Variants in PCDHA10 observed in about 807,000 individuals in gnomAD.
The protein encoded by PCDHA10 is protocadherin alpha-10.
Under a neutral mutation model 61.2 loss-of-function variants are expected in PCDHA10, and 45 were observed. The ratio of observed to expected loss-of-function variants is 0.74; its 90% CI spans 0.58 to 0.94. PCDHA10 has a LOEUF of 0.94. PCDHA10 is among the 40% of genes least tolerant of loss of function. PCDHA10 has a pLI of 0.00. For missense variants in PCDHA10, 1,278 were observed against 1,236.2 expected, an observed-to-expected ratio of 1.03 and a Z score of -0.51; for synonymous variants, 602 against 548.8, an observed-to-expected ratio of 1.10 and a Z score of -1.35.
In PCDHA10 at chr5:140,856,540, C is replaced by A. The variant is rs1554148838; in HGVS notation, c.492C>A (p.Asn164Lys). The A allele has an allele frequency of 6.3e-7, 1 of 1,598,162 alleles. No individual in the cohort carries two copies. Among genetic ancestry groups the A allele is most frequent in the African/African-American group, 1.3e-5 (1 of 74,308 alleles). The change falls in exon 1 of 4, where the codon AAC (asparagine) becomes AAA (lysine). Residue 164 changes from asparagine (N) to lysine (K), a missense_variant. Physicochemically the swap from Asn to Lys is moderately conservative, Grantham distance 94. Transcript: ENST00000307360. The stretch of plus-strand genomic sequence containing the variant: ...CATCTGATGCGGATGTTGGAGAGAA[C>A]GCATTGCTTACTTACAAACTCAGTC... ...EGASDADVGE[N>K]ALLTYKLSPN...
At chr5:140,962,710 T>C (rs2095702479) in intron 1 of PCDHA10, among the ~76,000 whole-genome samples, 1 of 152,246 alleles carries the variant, frequency 6.6e-6, no homozygotes, top group South Asian at 2.1e-4. Context: ...ATAATCATAT[T>C]GGAAAGTATT....
At chr5:140,907,287 G>C (rs1179027055) in intron 1 of PCDHA10, among the ~76,000 whole-genome samples, 1 of 152,178 alleles carries the variant, frequency 6.6e-6, no homozygotes, top group Non-Finnish European at 1.5e-5. Flanking sequence ...TATCAATCCA[G>C]CTGCTTCAGG....
In PCDHA10 at chr5:140,858,544, T is replaced by C. The variant is rs782004922; in HGVS notation, c.2388+108T>C. ...ATATTTCATTTTTGTCTACATTCCA[T>C]TTATGCTTGAATATTTCTAGTGATA... On this transcript the variant is annotated intron_variant, in intron 1 of 3. Transcript: ENST00000307360. 5 of 1,398,226 alleles carry C rather than the reference T, an allele frequency of 3.6e-6. No homozygotes were observed. The South Asian group carries it at 5.0e-5, about 14-fold the overall frequency. 86.6% of individuals were successfully genotyped at this position (1,398,226 alleles called of 1,614,324 possible). A position where few individuals can be genotyped will look rare whatever the true frequency, so the allele number is the denominator to read the frequency against.
intron 1 of PCDHA10, among the ~76,000 whole-genome samples, chr5:140,977,204 A>G (rs1051271481): frequency 9.9e-5 from 15 of 152,170 alleles, no homozygotes; most frequent in Non-Finnish European, 1.6e-4. Context: ...AGTTGCAGCA[A>G]TTTTCATCAT....
intron 1 of PCDHA10, chr5:140,859,802 T>G (rs1318090519): frequency 6.6e-6 from 1 of 152,544 alleles, no homozygotes; most frequent in Non-Finnish European, 1.5e-5. Flanking sequence ...TTATAGATGC[T>G]AAGTTAATGC....
At chr5:140,870,817 G>A in intron 1 of PCDHA10, 6 of 1,613,726 alleles carry the variant, frequency 3.7e-6, no homozygotes, top group Non-Finnish European at 5.1e-6. Context: ...GGCTGGCAGC[G>A]CGGGAGGCGC....
At chr5:140,877,881 G>T (rs782565949) in intron 1 of PCDHA10, 73 of 1,468,602 alleles carry the variant, frequency 5.0e-5, no homozygotes, top group Non-Finnish European at 5.9e-5. Flanking sequence ...TTTCCTTGAA[G>T]AACTTCCGTT....
chr5:140,871,066 G>GA, intron 1 of PCDHA10: 1 of 1,613,276 alleles, frequency 6.2e-7, no homozygotes, highest in South Asian at 1.1e-5. Context: ...GGATCACGGT[G>GA]AGCCGGCGCT....
chr5:140,856,002 G>A lies in PCDHA10; in HGVS notation c.-47G>A. 2 of 1,534,758 alleles carry A rather than the reference G, an allele frequency of 1.3e-6. No homozygotes were observed. The highest frequency in any genetic ancestry group is 1.4e-5 in the African/African-American group (1 of 72,796). On this transcript the variant is annotated 5_prime_UTR_variant, in exon 1 of 4. Transcript: ENST00000307360. ...ACAGAAAATGTCAGATCGTATGTGC[G>A]TTCTAGACCGCTGATTCGTCGATTT... is the stretch of plus-strand genomic sequence containing the variant.
At chr5:140,869,418 C>T in intron 1 of PCDHA10, 2 of 1,614,174 alleles carry the variant, frequency 1.2e-6, no homozygotes, top group Middle Eastern at 1.6e-4. Context: ...GCAGCATCCA[C>T]CTGGAGGTGA....
chr5:140,857,662 T>C lies in PCDHA10; in HGVS notation c.1614T>C (p.Asp538=), dbSNP rs782577621. The C allele has an allele frequency of 7.5e-6, 12 of 1,596,412 alleles. 2 individuals are homozygous for C. The highest frequency in any genetic ancestry group is 6.7e-5 in the African/African-American group (5 of 74,166). Residue 538 remains aspartate, a synonymous_variant, in exon 1 of 4, where the codon GAT becomes GAC. Transcript: ENST00000307360. ...TACAGTTCCAGGTGAGCGCGCGCGA[T>C]GGGGGCGTGCCGCCTCTGGGCAGCA... ...ELLQFQVSAR[D]GGVPPLGSNL...
chr5:140,927,733 C>T (rs782446148), intron 1 of PCDHA10: 7 of 1,614,198 alleles, frequency 4.3e-6, no homozygotes, highest in South Asian at 2.2e-5. Context: ...AGCAGAGCTG[C>T]GACACCGCTT....
intron 1 of PCDHA10, among the ~76,000 whole-genome samples, chr5:140,941,248 T>TTTCTTTC (rs2092963388): frequency 1.4e-5 from 2 of 141,492 alleles, no homozygotes; most frequent in African/African-American, 5.3e-5. Context: ...TCTTTCTTTC[T>TTTCTTTC]TTCTTTCTCT....
intron 1 of PCDHA10, among the ~76,000 whole-genome samples, chr5:140,873,346 T>C (rs1235906519): frequency 1.5e-4 from 23 of 152,226 alleles, no homozygotes; most frequent in African/African-American, 4.8e-4. Flanking sequence ...CATCTCCAGA[T>C]GAAATTTTTG....
chr5:140,976,142 C>T (rs1554237347), intron 1 of PCDHA10, among the ~76,000 whole-genome samples: 2 of 152,138 alleles, frequency 1.3e-5, no homozygotes, highest in Admixed American at 1.3e-4. Context: ...GGATGAAACT[C>T]ATGTACATTT....
intron 1 of PCDHA10, chr5:140,866,113 T>C (rs1185424072): frequency 6.6e-6 from 1 of 152,196 alleles, no homozygotes; most frequent in African/African-American, 2.4e-5. Flanking sequence ...AAGAGTTGCC[T>C]TATAAGAACT....
In PCDHA10 at chr5:140,978,974, G is replaced by A. The variant is rs150254638; in HGVS notation, c.2414G>A (p.Arg805His). The A allele has an allele frequency of 2.1e-3, 3,356 of 1,614,130 alleles. 1 individual carries two copies. The highest frequency in any genetic ancestry group is 2.7e-3 in the Non-Finnish European group (3,158 of 1,180,020). The change falls in exon 2 of 4, where the codon CGT becomes CAT. Residue 805 changes from arginine (R) to histidine (H), a missense_variant. Coordinates refer to ENST00000307360, the MANE Select transcript of PCDHA10 (RefSeq NM_018901.4). ...RKPRQPNPDW[R>H]YSASLRAGMH... is the part of the protein sequence containing the mutation. ...CCACGACAGCCCAACCCTGACTGGC[G>A]TTACTCTGCCTCCCTGAGAGCAGGC...
intron 1 of PCDHA10, among the ~76,000 whole-genome samples, chr5:140,947,967 T>C (rs565128955): frequency 1.2e-4 from 18 of 151,462 alleles, no homozygotes; most frequent in Non-Finnish European, 2.2e-4. Flanking sequence ...ATTAAGTATG[T>C]GCTACTCATA....
chr5:140,977,876 G>A (rs1425308379), intron 1 of PCDHA10, among the ~76,000 whole-genome samples: 3 of 152,190 alleles, frequency 2.0e-5, no homozygotes, highest in Non-Finnish European at 2.9e-5. Flanking sequence ...TAAGTATAAT[G>A]TAGAGGAAAA....
Sources: allele counts gnomAD v4.1 joint callset (sites outside exome capture counted in the v4.1 genomes callset), GRCh38; gene constraint gnomAD v4.1.1; transcripts MANE v1.5; gene names NCBI Gene and HGNC (gene_info 2026-07-23, HGNC 2026-07-21).